The following SOAT2 variants were observed in gnomAD, a reference collection of about 807,000 sequenced individuals.
The protein encoded by SOAT2 is sterol O-acyltransferase 2, also known as ACAT-2.
In SOAT2, 87 loss-of-function variants were observed where a neutral mutation model predicts 76.0. The observed-to-expected ratio is 1.14, with a 90% CI of 0.96 to 1.37. SOAT2 has a LOEUF of 1.37. Among genes scored for constraint, SOAT2 ranks in the 40% most tolerant of loss-of-function variants. The pLI is 0.00. For missense variants in SOAT2, 686 were observed against 682.1 expected (o/e 1.01, Z -0.06); for synonymous variants, 285 against 275.4 (o/e 1.03, Z -0.34).
rs372141172 is a variant in SOAT2, at chr12:53,120,537, G to A, written c.1040-249G>A. Among the ~76,000 whole-genome samples, 13 of 151,866 alleles carry A rather than the reference G, an allele frequency of 8.6e-5. 1 individual carries two copies. The highest frequency in any genetic ancestry group is 2.9e-4 in the African/African-American group (12 of 41,392). ...GTCTGTAGTTCCAGTTACTTGGGAG[G>A]CTGAGGTGGGAGGATCACTTGAGTC... On this transcript the variant is annotated intron_variant, in intron 10 of 14. Transcript: ENST00000301466.
In SOAT2 at chr12:53,118,412, A is replaced by G. The variant is rs570039720; in HGVS notation, c.841A>G (p.Ile281Val). 287 of 1,613,076 alleles carry G rather than the reference A, an allele frequency of 1.8e-4. 2 individuals are homozygous for G. The South Asian group carries it at 2.9e-3, about 16-fold the overall frequency. Residue 281 changes from isoleucine to valine, a missense_variant, in exon 8 of 15, where the codon ATC (isoleucine) becomes GTC (valine). Physicochemically the swap from Ile to Val is conservative, Grantham distance 29. Coordinates refer to ENST00000301466, the MANE Select transcript of SOAT2 (RefSeq NM_003578.4). ...YLYFLFCPTL[I>V]YRETYPRTPY... ...CTACTTCCTCTTCTGCCCAACACTCATCTACAGGGAGACTTACCCTAGGTA... is the reference window on the plus strand; with the variant it reads ...CTACTTCCTCTTCTGCCCAACACTCGTCTACAGGGAGACTTACCCTAGGTA...
At chr12:53,103,737 T>C in intron 1 of SOAT2, 78 bp downstream of exon 1, 6 of 1,144,068 alleles carry the variant, frequency 5.2e-6, no homozygotes, top group South Asian at 1.6e-5. Flanking sequence ...GAGAGAAGGC[T>C]CCAACTGCCT....
At chr12:53,122,435 A>AAACG (rs1343431079) in intron 12 of SOAT2, among the ~76,000 whole-genome samples, 1 of 101,130 alleles carries the variant, frequency 9.9e-6, no homozygotes, top group African/African-American at 6.7e-5. Context: ...GTCAGCAGAT[A>AAACG]AGTGAACAAA....
intron 5 of SOAT2, among the ~76,000 whole-genome samples, chr12:53,110,215 ATAC>A (rs1937992152): frequency 6.6e-6 from 1 of 152,242 alleles, no homozygotes; most frequent in African/African-American, 2.4e-5. Flanking sequence ...AATATATATT[ATAC>A]TGTTAACTCT....
chr12:53,116,689 T>TG (rs931002325), intron 7 of SOAT2, among the ~76,000 whole-genome samples: 1 of 151,976 alleles, frequency 6.6e-6, no homozygotes, highest in Non-Finnish European at 1.5e-5. Flanking sequence ...CGTAGTGAGA[T>TG]GGGGTCTCAC....
rs376961802 is a variant in SOAT2 at position 53,115,604 on chromosome 12, G to A, written c.658G>A (p.Val220Met). The change falls in exon 6 of 15, where the codon GTG becomes ATG. Residue 220 changes from valine (V) to methionine (M), a missense_variant. Coordinates refer to ENST00000301466, the MANE Select transcript of SOAT2 (RefSeq NM_003578.4). ...CTGCGCGCTGCCGGTCCACGTGGCCGTGGAGCATCAGCTCCCGCCGGCCTC... is the reference window on the plus strand; with the variant it reads ...CTGCGCGCTGCCGGTCCACGTGGCCATGGAGCATCAGCTCCCGCCGGCCTC... ...VLCALPVHVA[V>M]EHQLPPASRC... 3 of 1,569,424 alleles carry A rather than the reference G, an allele frequency of 1.9e-6. No homozygotes were observed. The highest frequency in any genetic ancestry group is 2.7e-5 in the African/African-American group (2 of 74,272).
Position 53,124,081 on chromosome 12 carries a change from C to G in SOAT2, c.1527C>G (p.Phe509Leu), listed in dbSNP as rs772118798. Residue 509 changes from phenylalanine to leucine, a missense_variant, in exon 15 of 15, where the codon TTC becomes TTG. By Grantham distance (22) the Phe-to-Leu change is conservative. Transcript: ENST00000301466. ...ATTCTTCTCTGGCTCAGGCAACTTT[C>G]TGGGGGCTGGTGACACCTCGATCTT... ...RRHCPLPQAT[F>L]WGLVTPRSWS... The G allele has an allele frequency of 3.7e-6, 6 of 1,614,082 alleles. No homozygotes were observed. The highest frequency in any genetic ancestry group is 2.2e-5 in the South Asian group (2 of 91,088).
At chr12:53,114,966 T>G (rs1654626260) in intron 5 of SOAT2, among the ~76,000 whole-genome samples, 1 of 152,184 alleles carries the variant, frequency 6.6e-6, no homozygotes, top group African/African-American at 2.4e-5. Flanking sequence ...GACACTTAGG[T>G]TGTTTTCAGT....
chr12:53,112,774 C>CT (rs1938042963), intron 5 of SOAT2, among the ~76,000 whole-genome samples: 1 of 139,602 alleles, frequency 7.2e-6, no homozygotes, highest in Non-Finnish European at 1.6e-5. Flanking sequence ...TCTTTTTTTT[C>CT]TTTCCTTTTT....
intron 10 of SOAT2, among the ~76,000 whole-genome samples, chr12:53,120,496 G>C (rs1938174281): frequency 6.6e-6 from 1 of 151,674 alleles, no homozygotes; most frequent in African/African-American, 2.4e-5. Context: ...AAAATTAGCT[G>C]GGAGTGGTGG....
chr12:53,103,699 G>A (rs1002353204), intron 1 of SOAT2, 40 bp downstream of exon 1: 1 of 1,424,404 alleles, frequency 7.0e-7, no homozygotes. Flanking sequence ...CAGGCAAGTG[G>A]GGGGGAGGCG....
chr12:53,103,640 G>A lies in SOAT2; in HGVS notation c.63G>A (p.Glu21=). ...CAGAAGGGCTGGGAGGGGAGCGGGA[G>A]CGCCAACCCTGTGGAGATGGTGAGC... ...QRTEGLGGER[E]RQPCGDGNTE... is the part of the protein sequence containing the mutation. The change falls in exon 1 of 15, where the codon GAG becomes GAA. Residue 21 remains glutamate (E), a synonymous_variant. Coordinates refer to ENST00000301466, the MANE Select transcript of SOAT2 (RefSeq NM_003578.4). The A allele has an allele frequency of 6.5e-7, 1 of 1,540,782 alleles. No individual in the cohort carries two copies. The highest frequency in any genetic ancestry group is 8.7e-7 in the Non-Finnish European group (1 of 1,144,486).
In SOAT2 at chr12:53,105,260, G is replaced by T. The variant is rs373906101; in HGVS notation, c.275+17G>T. 18 of 1,595,970 alleles carry T rather than the reference G, an allele frequency of 1.1e-5. No homozygotes were observed. The highest frequency in any genetic ancestry group is 4.0e-4 in the Middle Eastern group (2 of 4,960). Reference sequence around the variant, plus strand: ...CTTGAGCAGGTGAGTCTGGGGAATGGCTGCGCGGGCTCCTCTGTAGCAAGG... The same window carrying T: ...CTTGAGCAGGTGAGTCTGGGGAATGTCTGCGCGGGCTCCTCTGTAGCAAGG... On this transcript the variant is annotated intron_variant, in intron 3 of 14. Coordinates refer to ENST00000301466, the MANE Select transcript of SOAT2 (RefSeq NM_003578.4).
rs148186989 is a variant in SOAT2, at chr12:53,112,890, C to T, written c.444-2500C>T. Among the ~76,000 whole-genome samples the T allele has an allele frequency of 2.4e-3, 361 of 149,184 alleles. 10 individuals are homozygous for T. The East Asian group carries it at 0.068, about 28-fold the overall frequency. On this transcript the variant is annotated intron_variant, in intron 5 of 14. Transcript: ENST00000301466. ...CTGCCTCCTGGGTTCAAGCAATTCT[C>T]TGCCTCAGCCTCCCAAGTAGCTGGG...
chr12:53,122,426 T>G (rs1592280447), intron 12 of SOAT2, among the ~76,000 whole-genome samples: 2 of 133,720 alleles, frequency 1.5e-5, no homozygotes, highest in African/African-American at 6.8e-5. Context: ...GGAGGGAAGG[T>G]CAGCAGATAA....
chr12:53,104,882 C>T (rs1243264689), intron 2 of SOAT2, among the ~76,000 whole-genome samples: 2 of 150,486 alleles, frequency 1.3e-5, no homozygotes, highest in African/African-American at 4.9e-5. Context: ...CTTAGCACTG[C>T]GGGGTCCTAC....
In SOAT2 at chr12:53,119,194, G is replaced by A. The variant is rs780219772; in HGVS notation, c.980G>A (p.Ser327Asn). ...RLCVPVFANM[S>N]REPFSTRALV... is the part of the protein sequence containing the mutation. ...TGTGTTCCTGTCTTTGCCAACATGA[G>A]CCGAGAGCCCTTCAGCACCCGTGCC... The change falls in exon 10 of 15, where the codon AGC (serine) becomes AAC (asparagine). Residue 327 changes from serine to asparagine, a missense_variant. Coordinates refer to ENST00000301466, the MANE Select transcript of SOAT2 (RefSeq NM_003578.4). The A allele has an allele frequency of 6.8e-6, 11 of 1,613,932 alleles. No homozygotes were observed. The Admixed American group carries it at 1.5e-4, about 22-fold the overall frequency.
At position 53,123,065 on chromosome 12, in the gene SOAT2, T is replaced by TTCC. The variant is rs762226901; in HGVS notation, c.1237-13_1237-11dup. On this transcript the variant is annotated splice_polypyrimidine_tract_variant and intron_variant, in intron 12 of 14. Transcript: ENST00000301466. ...TCAGGGAGACTTACTCTTCACTCCT[T>TTCC]TCCTCACCCTGCCAGCTCCTTGGTG... 6.2e-7 allele frequency: 1 copy of TTCC among 1,607,272 alleles called. No individual in the cohort carries two copies. Among genetic ancestry groups the TTCC allele is most frequent in the South Asian group, 1.1e-5 (1 of 90,378 alleles).
chr12:53,117,369 T>G (rs1938121022), intron 7 of SOAT2, among the ~76,000 whole-genome samples: 1 of 147,090 alleles, frequency 6.8e-6, no homozygotes, highest in African/African-American at 2.5e-5. Context: ...CCTCCCAAAG[T>G]GTTGGGATTA....
Sources: allele counts gnomAD v4.1 joint callset (sites outside exome capture counted in the v4.1 genomes callset), GRCh38; gene constraint gnomAD v4.1.1; transcripts MANE v1.5; gene names NCBI Gene and HGNC (gene_info 2026-07-23, HGNC 2026-07-21).